SCARB1: variants seen among roughly 807,000 people sequenced by gnomAD.
SCARB1 encodes the protein scavenger receptor class B member 1.
A neutral mutation model predicts 57.2 loss-of-function variants in SCARB1; 30 were observed. That is an observed-to-expected ratio of 0.52 (90% CI 0.39 to 0.71). The LOEUF (loss-of-function observed/expected upper bound fraction) is 0.71, where lower values mean the gene tolerates loss of function less well. SCARB1 is among the 30% of genes least tolerant of loss of function. SCARB1 has a pLI of 0.00. For synonymous variants in SCARB1, 249 were observed against 268.3 expected (o/e 0.93, Z 0.70); for missense variants, 543 against 671.2 (o/e 0.81, Z 2.11).
intron 1 of SCARB1, among the ~76,000 whole-genome samples, chr12:124,854,173 G>A (rs1952538946): frequency 6.6e-6 from 1 of 152,210 alleles, no homozygotes; most frequent in South Asian, 2.1e-4. Flanking sequence ...GGACAAGGGG[G>A]AACCTGCATG....
chr12:124,837,579 AAAAGAAAAGAAAAG>A (rs1325383838), intron 1 of SCARB1, among the ~76,000 whole-genome samples: 1 of 7,606 alleles, frequency 1.3e-4, no homozygotes. Flanking sequence ...AAAAGAAAAG[AAAAGAAAAGAAAAG>A]AAAAGTCAGC....
intron 1 of SCARB1, among the ~76,000 whole-genome samples, chr12:124,837,504 G>GAA (rs1951703587): frequency 8.1e-6 from 1 of 122,884 alleles, no homozygotes; most frequent in African/African-American, 3.1e-5. Context: ...AGGAAGGAAG[G>GAA]GAGAAAAAAG....
chr12:124,863,460 C>G, intron 1 of SCARB1, 135 bp downstream of exon 1: 1 of 883,456 alleles, frequency 1.1e-6, no homozygotes, highest in Non-Finnish European at 1.7e-6. Context: ...TGGCCTCCCT[C>G]GTGCTCTGCG....
chr12:124,808,425 G>A (rs886745597), intron 6 of SCARB1, among the ~76,000 whole-genome samples: 2 of 152,172 alleles, frequency 1.3e-5, no homozygotes, highest in Non-Finnish European at 2.9e-5. Flanking sequence ...CCCTGCATAA[G>A]CTCTGCTCAG....
At chr12:124,861,486 A>T (rs528653104) in intron 1 of SCARB1, among the ~76,000 whole-genome samples, 19 of 152,278 alleles carry the variant, frequency 1.2e-4, no homozygotes, top group African/African-American at 2.6e-4. Context: ...TTAAAAAAAA[A>T]AAATAAAAGC....
chr12:124,803,702 AAAAAAAAAAAAAAT>A (rs952888749), intron 7 of SCARB1, among the ~76,000 whole-genome samples: 1 of 135,668 alleles, frequency 7.4e-6, no homozygotes, highest in Non-Finnish European at 1.5e-5. Flanking sequence ...AAAAAAAAAA[AAAAAAAAAAAAAAT>A]TGAAATAAGA....
At chr12:124,832,633 G>A (rs1298345981) in intron 1 of SCARB1, among the ~76,000 whole-genome samples, 2 of 152,064 alleles carry the variant, frequency 1.3e-5, no homozygotes, top group Non-Finnish European at 2.9e-5. Flanking sequence ...ACAGCTTCAA[G>A]CAAAAGGAAA....
At chr12:124,862,965 G>A (rs2135876410) in intron 1 of SCARB1, among the ~76,000 whole-genome samples, 1 of 152,332 alleles carries the variant, frequency 6.6e-6, no homozygotes, top group South Asian at 2.1e-4. Context: ...GGAGAAAAGC[G>A]GCTTATAGTT....
At chr12:124,813,017 A>G (rs983162216) in intron 4 of SCARB1, among the ~76,000 whole-genome samples, 1 of 152,308 alleles carries the variant, frequency 6.6e-6, no homozygotes, top group African/African-American at 2.4e-5. Context: ...GATCATTATA[A>G]TGGACGGAGA....
rs1365498660 is a variant in SCARB1 at position 124,800,956 on chromosome 12, C to G, written c.1010-714G>C. On this transcript the variant is annotated intron_variant, in intron 7 of 12. Transcript: ENST00000261693. The surrounding 1 kb of genome is among the most constrained non-coding windows in gnomAD (Gnocchi z 4.8). Reference sequence around the variant, plus strand: ...GGCGCCATGGCTTACACCTGTAATCCCAACACTTTGGGAGGCCTCAGCAGG... The same window carrying G: ...GGCGCCATGGCTTACACCTGTAATCGCAACACTTTGGGAGGCCTCAGCAGG... Among the ~76,000 whole-genome samples, 1 of 152,166 alleles carries G rather than the reference C, an allele frequency of 6.6e-6. No individual in the cohort carries two copies. Among genetic ancestry groups the G allele is most frequent in the Non-Finnish European group, 1.5e-5 (1 of 68,018 alleles).
In SCARB1 at chr12:124,817,354, A is replaced by G. The variant is rs1594286767; in HGVS notation, c.284+196T>C. Among the ~76,000 whole-genome samples, 1 of 23,378 alleles carries G rather than the reference A, an allele frequency of 4.3e-5. No homozygotes were observed. Among genetic ancestry groups the G allele is most frequent in the South Asian group, 1.3e-3 (1 of 778 alleles). 15.3% of individuals were successfully genotyped at this position (23,378 alleles called of 152,430 possible). Reference sequence around the variant, plus strand: ...GGCAACATAGCAAGATCCCATCTCTAAAAAAAAAAAAAAAAAAAAAAAAAA... The same window carrying G: ...GGCAACATAGCAAGATCCCATCTCTGAAAAAAAAAAAAAAAAAAAAAAAAA... On this transcript the variant is annotated intron_variant, in intron 2 of 12. Coordinates refer to ENST00000261693, the MANE Select transcript of SCARB1 (RefSeq NM_005505.5). This position sits in a 1 kb window ranked among gnomAD's most constrained non-coding sequence, Gnocchi z 4.8.
intron 12 of SCARB1, among the ~76,000 whole-genome samples, chr12:124,782,456 CAG>C (rs888124918): frequency 2.6e-5 from 4 of 152,218 alleles, no homozygotes; most frequent in African/African-American, 9.6e-5. Flanking sequence ...CACCAGCCCA[CAG>C]AATACAAGTT....
At chr12:124,840,972 C>G (rs1487877800) in intron 1 of SCARB1, among the ~76,000 whole-genome samples, 1 of 151,798 alleles carries the variant, frequency 6.6e-6, no homozygotes, top group African/African-American at 2.4e-5. Flanking sequence ...GGTTCAAGAC[C>G]AGCCTGCCCA....
chr12:124,834,377 C>T (rs1244189625), intron 1 of SCARB1, among the ~76,000 whole-genome samples: 4 of 152,220 alleles, frequency 2.6e-5, no homozygotes, highest in African/African-American at 9.6e-5. Context: ...GCCCCTGAGG[C>T]CCCCAAAAGG....
At chr12:124,783,242 A>T (rs1454935959) in intron 11 of SCARB1, 1 of 230,054 alleles carries the variant, frequency 4.3e-6, no homozygotes, top group Non-Finnish European at 8.6e-6. Flanking sequence ...TTTTTGAGAC[A>T]GGATCTCACT....
chr12:124,791,953 TA>T (rs534773283), intron 9 of SCARB1, among the ~76,000 whole-genome samples: 322 of 138,734 alleles, frequency 2.3e-3, no homozygotes, highest in Middle Eastern at 3.6e-3. Flanking sequence ...AGATCCATCT[TA>T]AAAAAAAAAA....
At position 124,782,752 on chromosome 12, in the gene SCARB1, A is replaced by C. The variant is rs1566127368; in HGVS notation, c.1461T>G (p.Ile487Met). The C allele has an allele frequency of 1.9e-6, 3 of 1,612,504 alleles. No individual in the cohort carries two copies. Among genetic ancestry groups the C allele is most frequent in the East Asian group, 2.2e-5 (1 of 44,884 alleles). ...TCATCAGGGATTCAGAATAGGCCTG[A>C]ATGGCCTCCTTATCCTTTGAGCCCT... ...SKKGSKDKEA[I>M]QAYSESLMTS... is the part of the protein sequence containing the mutation. Residue 487 changes from isoleucine (I) to methionine (M), a missense_variant, in exon 12 of 13, where the codon ATT (isoleucine) becomes ATG (methionine). Physicochemically the swap from Ile to Met is conservative, Grantham distance 10. Coordinates refer to ENST00000261693, the MANE Select transcript of SCARB1 (RefSeq NM_005505.5).
chr12:124,842,171 G>A (rs1040737741), intron 1 of SCARB1, among the ~76,000 whole-genome samples: 1 of 152,338 alleles, frequency 6.6e-6, no homozygotes, highest in Middle Eastern at 3.4e-3. Flanking sequence ...AGCTGGGGAT[G>A]AATGCAAAGC....
chr12:124,813,800 G>A (rs1950602460), intron 4 of SCARB1, among the ~76,000 whole-genome samples: 1 of 152,066 alleles, frequency 6.6e-6, no homozygotes. Context: ...CCAAGGTCAG[G>A]GTCAGACCCT....
Sources: allele counts gnomAD v4.1 joint callset (sites outside exome capture counted in the v4.1 genomes callset), GRCh38; gene constraint gnomAD v4.1.1; non-coding constraint Gnocchi (gnomAD v3.1); transcripts MANE v1.5; gene names NCBI Gene and HGNC (gene_info 2026-07-23, HGNC 2026-07-21).